WDR7: variants seen among roughly 807,000 people sequenced by gnomAD.
The protein encoded by WDR7 is WD repeat-containing protein 7.
A neutral mutation model predicts 169.4 loss-of-function variants in WDR7; 46 were observed. The observed-to-expected ratio is 0.27, with a 90% CI of 0.21 to 0.35. The LOEUF (loss-of-function observed/expected upper bound fraction) is 0.35. Ranked by LOEUF, WDR7 falls within the 10% of genes least tolerant of loss-of-function variation. The pLI, the probability that WDR7 is intolerant of heterozygous loss-of-function variation, is 1.00. For missense variants in WDR7, 1,534 were observed against 1,859.3 expected, an observed-to-expected ratio of 0.83 and a Z score of 3.22; for synonymous variants, 612 against 666.8, an observed-to-expected ratio of 0.92 and a Z score of 1.27.
intron 26 of WDR7, among the ~76,000 whole-genome samples, chr18:57,004,122 T>TA (rs2048022705): frequency 6.6e-6 from 1 of 152,012 alleles, no homozygotes; most frequent in Admixed American, 6.5e-5. Flanking sequence ...TCCCATAATT[T>TA]AACTTCTACC....
chr18:56,696,794 A>T (rs1379261670), intron 12 of WDR7, among the ~76,000 whole-genome samples: 1 of 152,210 alleles, frequency 6.6e-6, no homozygotes, highest in African/African-American at 2.4e-5. Context: ...ATGCCTGAAG[A>T]CATTGTACAA....
At chr18:56,697,472 A>G (rs1051958835) in intron 12 of WDR7, among the ~76,000 whole-genome samples, 2 of 152,166 alleles carry the variant, frequency 1.3e-5, no homozygotes, top group African/African-American at 4.8e-5. Context: ...CAGATTTGCA[A>G]ATTTACCTCC....
chr18:56,776,978 T>G, intron 17 of WDR7, 98 bp downstream of exon 17: 1 of 1,143,444 alleles, frequency 8.7e-7, no homozygotes. Context: ...TGCTTTGTTA[T>G]GTATGAGATT....
Position 56,757,985 on chromosome 18 carries a change from A to G in WDR7, c.2759+633A>G, listed in dbSNP as rs543075428. 5.3e-5 allele frequency among the ~76,000 whole-genome samples: 8 copies of G among 151,548 alleles called. No individual in the cohort carries two copies. In the Middle Eastern group the frequency reaches 0.014, roughly 258 times the overall value. ...CTCTGTCTCAAAAAAAAAAAAATGT[A>G]TATTTCATTAAATGCTTCTTCTCAT... is the stretch of plus-strand genomic sequence containing the variant. On this transcript the variant is annotated intron_variant, in intron 15 of 27. Transcript: ENST00000254442.
chr18:56,877,327 T>G (rs139773236), intron 20 of WDR7, among the ~76,000 whole-genome samples: 2,480 of 152,294 alleles, frequency 0.016, 30 homozygotes, highest in Middle Eastern at 0.048. Context: ...ATTCCTTCCT[T>G]CATCCTGCTA....
At chr18:56,906,740 C>T (rs2046482783) in intron 21 of WDR7, among the ~76,000 whole-genome samples, 1 of 152,120 alleles carries the variant, frequency 6.6e-6, no homozygotes, top group Non-Finnish European at 1.5e-5. Context: ...CAGGATTTCA[C>T]CATGTTGGCC....
intron 16 of WDR7, among the ~76,000 whole-genome samples, chr18:56,771,172 A>G (rs181449080): frequency 3.3e-5 from 5 of 152,324 alleles, no homozygotes; most frequent in Admixed American, 2.6e-4. Context: ...ACATTGTGTA[A>G]GTAGCATATT....
chr18:56,705,009 GT>G (rs1275020867), intron 12 of WDR7, among the ~76,000 whole-genome samples: 2 of 151,964 alleles, frequency 1.3e-5, no homozygotes, highest in African/African-American at 2.4e-5. Flanking sequence ...TTTAATTTTT[GT>G]TTTTTAGAGA....
At chr18:56,722,725 A>G (rs1250339268) in intron 13 of WDR7, among the ~76,000 whole-genome samples, 2 of 151,758 alleles carry the variant, frequency 1.3e-5, no homozygotes, top group Non-Finnish European at 2.9e-5. Context: ...TAGAGTGGAG[A>G]TATGACTGTG....
intron 26 of WDR7, among the ~76,000 whole-genome samples, chr18:56,962,806 C>T (rs992136706): frequency 3.3e-5 from 5 of 151,988 alleles, no homozygotes; most frequent in Non-Finnish European, 7.4e-5. Flanking sequence ...TGTTTTAAAC[C>T]GAGTTTTCTG....
At chr18:56,693,362 C>G (rs1234226215) in intron 9 of WDR7, among the ~76,000 whole-genome samples, 2 of 152,010 alleles carry the variant, frequency 1.3e-5, no homozygotes, top group Non-Finnish European at 2.9e-5. Flanking sequence ...GGCACAAAAT[C>G]TTGAGCTGAA....
chr18:56,686,703 CT>C, intron 6 of WDR7, 151 bp from the exon 7 acceptor site: 1 of 627,486 alleles, frequency 1.6e-6, no homozygotes, highest in East Asian at 2.9e-5. Context: ...TATATCTTTG[CT>C]GCTTTTTACT....
chr18:56,885,070 C>T (rs945110570), intron 21 of WDR7, among the ~76,000 whole-genome samples: 4 of 152,172 alleles, frequency 2.6e-5, no homozygotes, highest in Non-Finnish European at 5.9e-5. Flanking sequence ...CAGGAAGCCA[C>T]ATCCACAGTG....
chr18:56,853,735 A>G (rs17756945), intron 20 of WDR7, among the ~76,000 whole-genome samples: 2,982 of 152,238 alleles, frequency 0.02, 88 homozygotes, highest in East Asian at 0.12. Context: ...TTTGTCTCAT[A>G]TATTGGTATG....
Position 56,651,370 on chromosome 18 carries a change from T to C in WDR7, c.-226T>C, listed in dbSNP as rs974405822. 1 of 142,706 alleles carries C rather than the reference T, an allele frequency of 7.0e-6. No homozygotes were observed. Among genetic ancestry groups the C allele is most frequent in the Admixed American group, 6.7e-5 (1 of 14,834 alleles). 8.8% of individuals were successfully genotyped at this position (142,706 alleles called of 1,614,324 possible). A position where few individuals can be genotyped will look rare whatever the true frequency, so the allele number is the denominator to read the frequency against. ...TTGGGGCTGGTGTCAGCTGATTTAC[T>C]GCAGTGGCGGCGGCGGCGGCACCGG... On this transcript the variant is annotated 5_prime_UTR_variant, in exon 1 of 28. Transcript: ENST00000254442.
chr18:57,017,681 A>C (rs1272541047), intron 26 of WDR7, among the ~76,000 whole-genome samples: 1 of 152,250 alleles, frequency 6.6e-6, no homozygotes, highest in Admixed American at 6.5e-5. Context: ...ACATAGAATG[A>C]GCATAAATTT....
intron 25 of WDR7, among the ~76,000 whole-genome samples, chr18:56,947,343 C>T (rs1263258816): frequency 1.3e-5 from 2 of 152,110 alleles, no homozygotes; most frequent in Non-Finnish European, 2.9e-5. Context: ...TCATACGTCT[C>T]CTCGGTGATC....
At chr18:56,764,738 G>A (rs911163791) in intron 16 of WDR7, among the ~76,000 whole-genome samples, 1 of 151,994 alleles carries the variant, frequency 6.6e-6, no homozygotes, top group Non-Finnish European at 1.5e-5. Flanking sequence ...GTTGTTGGGT[G>A]GAATATTTTA....
At chr18:56,946,858 C>G (rs2047110696) in intron 25 of WDR7, among the ~76,000 whole-genome samples, 1 of 152,142 alleles carries the variant, frequency 6.6e-6, no homozygotes, top group Admixed American at 6.5e-5. Flanking sequence ...TTTAGCTCTT[C>G]CTGGAGTTGT....
Sources: allele counts gnomAD v4.1 joint callset (sites outside exome capture counted in the v4.1 genomes callset), GRCh38; gene constraint gnomAD v4.1.1; transcripts MANE v1.5; gene names NCBI Gene and HGNC (gene_info 2026-07-23, HGNC 2026-07-21).